PLCB4: variants seen among roughly 807,000 people sequenced by gnomAD.
The protein encoded by PLCB4 is phospholipase C beta 4.
Under a neutral mutation model 178.8 loss-of-function variants are expected in PLCB4, and 77 were observed. The ratio of observed to expected loss-of-function variants is 0.43; its 90% CI spans 0.36 to 0.52. The LOEUF (loss-of-function observed/expected upper bound fraction) is 0.52, where lower values mean the gene tolerates loss of function less well. Ranked by LOEUF, PLCB4 falls within the 20% of genes least tolerant of loss-of-function variation. PLCB4 has a pLI of 0.00. For synonymous variants in PLCB4, 496 were observed against 490.8 expected (o/e 1.01, Z -0.14); for missense variants, 1,024 against 1,453.4 (o/e 0.70, Z 4.80).
intron 3 of PLCB4, among the ~76,000 whole-genome samples, chr20:9,283,260 A>G (rs1007223272): frequency 4.6e-5 from 7 of 151,946 alleles, no homozygotes; most frequent in African/African-American, 1.4e-4. Context: ...GCAAAGGAGG[A>G]TGACAAATAA....
In PLCB4 at chr20:9,240,544, T is replaced by G. The variant is rs183245010; in HGVS notation, c.-16+23092T>G. The stretch of plus-strand genomic sequence containing the variant: ...CTGTGAATTTTCCTAACTATTATTG[T>G]GTTATTGTGTTCTGTGCTGTGTCTG... On this transcript the variant is annotated intron_variant, in intron 3 of 39. Transcript: ENST00000378473. 2.2e-3 allele frequency among the ~76,000 whole-genome samples: 340 copies of G among 152,228 alleles called. 1 individual carries two copies. The highest frequency in any genetic ancestry group is 3.7e-3 in the Non-Finnish European group (249 of 68,006).
chr20:9,232,901 A>G (rs1360742199), intron 3 of PLCB4, among the ~76,000 whole-genome samples: 1 of 152,116 alleles, frequency 6.6e-6, no homozygotes, highest in Admixed American at 6.6e-5. Context: ...AGCTGAGAGA[A>G]AAAATATGAT....
intron 2 of PLCB4, among the ~76,000 whole-genome samples, chr20:9,148,439 A>G (rs2092636746): frequency 1.3e-5 from 2 of 152,132 alleles, no homozygotes; most frequent in Admixed American, 1.3e-4. Context: ...AAGGGTAAGG[A>G]TAGTTAAGCA....
At chr20:9,212,218 A>C (rs553972355) in intron 2 of PLCB4, among the ~76,000 whole-genome samples, 12 of 152,356 alleles carry the variant, frequency 7.9e-5, no homozygotes, top group African/African-American at 2.6e-4. Flanking sequence ...TTAAGCTACA[A>C]AAGTTTGAAG....
At chr20:9,305,804 TCA>T (rs149159683) in intron 3 of PLCB4, among the ~76,000 whole-genome samples, 18 of 152,318 alleles carry the variant, frequency 1.2e-4, no homozygotes, top group African/African-American at 4.1e-4. Context: ...CCACAGAACT[TCA>T]AAATTGTCTT....
intron 21 of PLCB4, among the ~76,000 whole-genome samples, chr20:9,406,089 A>C (rs756277432): frequency 6.6e-6 from 1 of 152,204 alleles, no homozygotes; most frequent in Non-Finnish European, 1.5e-5. Flanking sequence ...TTCATAATTC[A>C]TAATTTGGGT....
intron 28 of PLCB4, among the ~76,000 whole-genome samples, chr20:9,429,490 A>G (rs953997793): frequency 6.6e-6 from 1 of 152,330 alleles, no homozygotes; most frequent in Non-Finnish European, 1.5e-5. Context: ...TGAATATGCA[A>G]AACTTTGGCC....
At chr20:9,293,317 G>A (rs954711089) in intron 3 of PLCB4, among the ~76,000 whole-genome samples, 3 of 133,258 alleles carry the variant, frequency 2.3e-5, no homozygotes, top group Admixed American at 1.4e-4. Flanking sequence ...CTCCAGCCTG[G>A]GTGACAGAGA....
intron 2 of PLCB4, among the ~76,000 whole-genome samples, chr20:9,124,305 A>G (rs2146770525): frequency 6.6e-6 from 1 of 152,256 alleles, no homozygotes; most frequent in Admixed American, 6.5e-5. Context: ...CAGGAGTTCA[A>G]GACCAGCCTG....
chr20:9,435,753 G>C (rs1602693776), intron 29 of PLCB4, 105 bp downstream of exon 29: 1 of 674,638 alleles, frequency 1.5e-6, no homozygotes, highest in Admixed American at 2.6e-5. Flanking sequence ...ATTTAAGGAG[G>C]GTTTTTAAAA....
At chr20:9,415,880 C>T (rs936845677) in intron 25 of PLCB4, among the ~76,000 whole-genome samples, 2 of 152,180 alleles carry the variant, frequency 1.3e-5, no homozygotes, top group Non-Finnish European at 2.9e-5. Flanking sequence ...GCTTCAGCTT[C>T]CCTATCAATG....
At chr20:9,098,093 G>T (rs1231623263) in intron 2 of PLCB4, among the ~76,000 whole-genome samples, 2 of 152,154 alleles carry the variant, frequency 1.3e-5, no homozygotes, top group Non-Finnish European at 2.9e-5. Flanking sequence ...TGAATTGACT[G>T]CATAATAGTT....
At chr20:9,291,511 G>T (rs1428947097) in intron 3 of PLCB4, among the ~76,000 whole-genome samples, 1 of 152,016 alleles carries the variant, frequency 6.6e-6, no homozygotes, top group Non-Finnish European at 1.5e-5. Context: ...ATGTATTTTT[G>T]TGCATAAAAA....
intron 4 of PLCB4, among the ~76,000 whole-genome samples, chr20:9,322,859 A>G (rs1236397750): frequency 6.6e-6 from 1 of 152,236 alleles, no homozygotes; most frequent in Non-Finnish European, 1.5e-5. Context: ...AAATAGGTTC[A>G]GTTTTGGCTT....
At chr20:9,248,432 G>A (rs2094146996) in intron 3 of PLCB4, among the ~76,000 whole-genome samples, 1 of 151,992 alleles carries the variant, frequency 6.6e-6, no homozygotes, top group African/African-American at 2.4e-5. Flanking sequence ...TCTTAATATG[G>A]GATAAAGGGA....
Position 9,467,195 on chromosome 20 carries a change from C to T in PLCB4, c.3249-1376C>T, listed in dbSNP as rs6118624. Among the ~76,000 whole-genome samples, 1,022 of 152,216 alleles carry T rather than the reference C, an allele frequency of 6.7e-3. 5 individuals are homozygous for T. Among genetic ancestry groups the T allele is most frequent in the Non-Finnish European group, 0.011 (716 of 68,030 alleles). On this transcript the variant is annotated intron_variant, in intron 35 of 39. Coordinates refer to ENST00000378473, the MANE Select transcript of PLCB4 (RefSeq NM_001377142.1). ...ATCACAAGGACAGAAAACCAAACAC[C>T]GTATGTTCTTACTCATAGGTGGGAA...
chr20:9,200,685 T>A (rs2093532600), intron 2 of PLCB4, among the ~76,000 whole-genome samples: 1 of 152,178 alleles, frequency 6.6e-6, no homozygotes. Flanking sequence ...CCTTGCAGAA[T>A]ACAGCATTCC....
At chr20:9,190,353 G>C (rs905066612) in intron 2 of PLCB4, among the ~76,000 whole-genome samples, 2 of 152,124 alleles carry the variant, frequency 1.3e-5, no homozygotes, top group African/African-American at 4.8e-5. Context: ...GTTCTCACAA[G>C]ATCTTATAAG....
intron 7 of PLCB4, among the ~76,000 whole-genome samples, chr20:9,340,954 T>C (rs1451858212): frequency 6.6e-6 from 1 of 152,060 alleles, no homozygotes; most frequent in Non-Finnish European, 1.5e-5. Context: ...GAAATGGACC[T>C]TAGGAAGGGC....
Sources: gnomAD v4.1 joint callset for allele counts (sites outside exome capture counted in the v4.1 genomes callset) on GRCh38, gnomAD v4.1.1 for gene constraint, MANE v1.5 for transcripts, NCBI Gene and HGNC (gene_info 2026-07-23, HGNC 2026-07-21) for gene names.